The following CHL1 variants were observed in gnomAD, a reference collection of about 807,000 sequenced individuals.
CHL1 encodes the protein cell adhesion molecule L1 like.
In CHL1, 96 loss-of-function variants were observed where a neutral mutation model predicts 141.9. That is an observed-to-expected ratio of 0.68 (90% CI 0.57 to 0.80). The LOEUF (loss-of-function observed/expected upper bound fraction) is 0.80. Ranked by LOEUF, CHL1 falls within the 30% of genes least tolerant of loss-of-function variation. The pLI is 0.00. For synonymous variants in CHL1, 613 were observed against 502.2 expected, an observed-to-expected ratio of 1.22 and a Z score of -2.95; for missense variants, 1,820 against 1,457.2, an observed-to-expected ratio of 1.25 and a Z score of -4.05.
chr3:290,606 C>A (rs1384412287), intron 2 of CHL1, among the ~76,000 whole-genome samples: 1 of 152,138 alleles, frequency 6.6e-6, no homozygotes, highest in Non-Finnish European at 1.5e-5. Context: ...ACTATGTCTT[C>A]ATCACTCTCT....
intron 1 of CHL1, among the ~76,000 whole-genome samples, chr3:206,746 C>T (rs1246653654): frequency 2.0e-5 from 3 of 152,150 alleles, no homozygotes; most frequent in Admixed American, 6.5e-5. Flanking sequence ...CTGACTCTTC[C>T]TGTACCAGAC....
chr3:386,308 T>C (rs1416087252), intron 19 of CHL1, among the ~76,000 whole-genome samples: 1 of 152,206 alleles, frequency 6.6e-6, no homozygotes, highest in Non-Finnish European at 1.5e-5. Flanking sequence ...TATTTGTTTA[T>C]GTTTTACATT....
At chr3:260,263 C>CAAATAAATAAAT (rs58225264) in intron 2 of CHL1, among the ~76,000 whole-genome samples, 2 of 151,344 alleles carry the variant, frequency 1.3e-5, no homozygotes, top group African/African-American at 4.9e-5. Context: ...AACTCTGTCT[C>CAAATAAATAAAT]AAATAAATAA....
rs189549732 is a variant in CHL1 at position 333,472 on chromosome 3, A to C, written c.385+5118A>C. Among the ~76,000 whole-genome samples the C allele has an allele frequency of 3.7e-4, 56 of 152,320 alleles. No individual in the cohort carries two copies. In the South Asian group the frequency reaches 8.3e-3, roughly 23 times the overall value. ...CAATGTCCAGTTTTCTATTTTCAACAACATTGCAGTTAAGTTTCCTAGGGA... is the reference window on the plus strand; with the variant it reads ...CAATGTCCAGTTTTCTATTTTCAACCACATTGCAGTTAAGTTTCCTAGGGA... On this transcript the variant is annotated intron_variant, in intron 5 of 27. Coordinates refer to ENST00000256509, the MANE Select transcript of CHL1 (RefSeq NM_006614.4).
intron 9 of CHL1, among the ~76,000 whole-genome samples, chr3:347,211 C>A (rs1274079392): frequency 1.3e-5 from 2 of 151,626 alleles, no homozygotes; most frequent in African/African-American, 4.8e-5. Context: ...AGGTATAATT[C>A]TTTCACAAGA....
chr3:360,277 C>A lies in CHL1; in HGVS notation c.1166-7C>A. The A allele has an allele frequency of 6.2e-7, 1 of 1,613,466 alleles. No individual in the cohort carries two copies. Among genetic ancestry groups the A allele is most frequent in the Non-Finnish European group, 8.5e-7 (1 of 1,179,594 alleles). ...TTATCAAACTGACATTCTTTAATCT[C>A]TTTCAGATCATCCATTTGCTGGTGA... On this transcript the variant is annotated splice_polypyrimidine_tract_variant and splice_region_variant and intron_variant, in intron 11 of 27. Coordinates refer to ENST00000256509, the MANE Select transcript of CHL1 (RefSeq NM_006614.4).
chr3:254,840 G>C (rs1694012264), intron 2 of CHL1, among the ~76,000 whole-genome samples: 1 of 152,106 alleles, frequency 6.6e-6, no homozygotes, highest in Non-Finnish European at 1.5e-5. Flanking sequence ...TGAGGGAGGA[G>C]CCCTTCTGAC....
chr3:359,657 G>T (rs1170985400), intron 11 of CHL1, among the ~76,000 whole-genome samples: 1 of 152,170 alleles, frequency 6.6e-6, no homozygotes, highest in Non-Finnish European at 1.5e-5. Flanking sequence ...ACTTGGATCA[G>T]GAGTGGGGAA....
intron 1 of CHL1, among the ~76,000 whole-genome samples, chr3:209,770 T>C (rs1699745729): frequency 6.6e-6 from 1 of 152,176 alleles, no homozygotes; most frequent in African/African-American, 2.4e-5. Context: ...GTCCAAGTGT[T>C]CTCATTGAAC....
intron 18 of CHL1, 128 bp downstream of exon 18, chr3:382,799 C>G (rs187092991): frequency 6.3e-5 from 48 of 766,926 alleles, no homozygotes; most frequent in East Asian, 4.6e-4. Context: ...TAACAGTTCT[C>G]TAAACAGCAC....
At chr3:345,071 G>C (rs1452036648) in intron 9 of CHL1, among the ~76,000 whole-genome samples, 1 of 152,122 alleles carries the variant, frequency 6.6e-6, no homozygotes, top group Non-Finnish European at 1.5e-5. Flanking sequence ...GAAGTAATTT[G>C]TACTTCACTC....
At chr3:316,367 A>T (rs144986116) in intron 2 of CHL1, among the ~76,000 whole-genome samples, 121 of 151,860 alleles carry the variant, frequency 8.0e-4, no homozygotes, top group African/African-American at 2.5e-3. Context: ...TGACAGTAAG[A>T]TATGTATTAT....
chr3:360,951 A>G (rs1704190188), intron 12 of CHL1, among the ~76,000 whole-genome samples: 1 of 151,624 alleles, frequency 6.6e-6, no homozygotes, highest in African/African-American at 2.4e-5. Context: ...ATAGTATTCC[A>G]TGGTGTATAT....
intron 7 of CHL1, 33 bp downstream of exon 7, chr3:342,115 A>G (rs190324053): frequency 7.3e-4 from 1,147 of 1,561,182 alleles, no homozygotes; most frequent in Admixed American, 2.0e-3. Flanking sequence ...TTCATCATGT[A>G]TGCTGAATGC....
intron 25 of CHL1, 30 bp downstream of exon 25, chr3:398,415 C>T: frequency 2.8e-6 from 4 of 1,451,960 alleles, no homozygotes; most frequent in Non-Finnish European, 3.9e-6. Context: ...TTGGGGAAGT[C>T]TTAGTCAATC....
At chr3:204,357 T>G (rs780817968) in intron 1 of CHL1, among the ~76,000 whole-genome samples, 1 of 152,256 alleles carries the variant, frequency 6.6e-6, no homozygotes, top group Non-Finnish European at 1.5e-5. Context: ...CTGAAACTCA[T>G]GTAACCTGGA....
rs1241735607 is a variant in CHL1 at position 361,745 on chromosome 3, A to G, written c.1353A>G (p.Thr451=). ...CCAAAGATGGAGAAAATTACGCTAC[A>G]GTGGTTGGGTACAGTGCTTTCTTAC... ...IQTKDGENYA[T]VVGYSAFLHC... is the part of the protein sequence containing the mutation. The change falls in exon 13 of 28, where the codon ACA becomes ACG. Residue 451 remains threonine (T), a synonymous_variant. Coordinates refer to ENST00000256509, the MANE Select transcript of CHL1 (RefSeq NM_006614.4). The G allele has an allele frequency of 1.2e-6, 2 of 1,613,646 alleles. No individual in the cohort carries two copies. The highest frequency in any genetic ancestry group is 1.1e-5 in the South Asian group (1 of 91,060).
chr3:381,769 A>G (rs74725353), intron 16 of CHL1, among the ~76,000 whole-genome samples: 4,139 of 152,182 alleles, frequency 0.027, 187 homozygotes, highest in African/African-American at 0.094. Context: ...GATGGTCAGA[A>G]CTCAGACTTC....
At chr3:207,751 C>G (rs1315928623) in intron 1 of CHL1, among the ~76,000 whole-genome samples, 1 of 152,190 alleles carries the variant, frequency 6.6e-6, no homozygotes, top group Non-Finnish European at 1.5e-5. Context: ...ACCCCATTTT[C>G]TTCGTGACCT....
Sources: allele counts gnomAD v4.1 joint callset (sites outside exome capture counted in the v4.1 genomes callset), GRCh38; gene constraint gnomAD v4.1.1; transcripts MANE v1.5; gene names NCBI Gene and HGNC (gene_info 2026-07-23, HGNC 2026-07-21).